Variants in CAMTA1 observed in about 807,000 individuals in gnomAD.
CAMTA1 encodes the protein calmodulin binding transcription activator 1.
In CAMTA1, 27 loss-of-function variants were observed where a neutral mutation model predicts 170.9. The ratio of observed to expected loss-of-function variants is 0.16; its 90% CI spans 0.12 to 0.22. The LOEUF (loss-of-function observed/expected upper bound fraction) is 0.22. Ranked by LOEUF, CAMTA1 falls within the 10% of genes least tolerant of loss-of-function variation. The pLI is 1.00. For missense variants in CAMTA1, 1,619 were observed against 2,217.2 expected (o/e 0.73, Z 5.42); for synonymous variants, 833 against 891.5 (o/e 0.93, Z 1.17).
At chr1:7,246,978 G>A (rs1369667457) in intron 4 of CAMTA1, among the ~76,000 whole-genome samples, 1 of 152,140 alleles carries the variant, frequency 6.6e-6, no homozygotes, top group African/African-American at 2.4e-5. Flanking sequence ...CGGCAGTACG[G>A]CCTCATTTTC....
At chr1:7,531,734 G>T (rs775024142) in intron 6 of CAMTA1, among the ~76,000 whole-genome samples, 1 of 152,200 alleles carries the variant, frequency 6.6e-6, no homozygotes, top group Non-Finnish European at 1.5e-5. Context: ...CTCCAGAAGC[G>T]CAGAGCTTCT....
At chr1:7,358,487 G>C (rs2085295135) in intron 5 of CAMTA1, among the ~76,000 whole-genome samples, 3 of 152,156 alleles carry the variant, frequency 2.0e-5, no homozygotes, top group Admixed American at 6.5e-5. Context: ...GGCGGGCAGT[G>C]GTGGGGCTGC....
intron 5 of CAMTA1, among the ~76,000 whole-genome samples, chr1:7,409,194 G>C (rs556970615): frequency 6.6e-6 from 1 of 152,222 alleles, no homozygotes; most frequent in African/African-American, 2.4e-5. Flanking sequence ...ATGCAGGCTG[G>C]ACTTCCGTCA....
chr1:7,730,725 G>A (rs1185345120), intron 11 of CAMTA1, among the ~76,000 whole-genome samples: 9 of 151,854 alleles, frequency 5.9e-5, no homozygotes, highest in Admixed American at 5.3e-4. Context: ...GTGAAACCCC[G>A]TCTCTACTAA....
Position 6,995,295 on chromosome 1 carries a change from CTTTTTTTTTTTT to C in CAMTA1, c.235-95996_235-95985del, listed in dbSNP as rs765139922. Among the ~76,000 whole-genome samples, 122 of 60,628 alleles carry C rather than the reference CTTTTTTTTTTTT, an allele frequency of 2.0e-3. No individual in the cohort carries two copies. The Middle Eastern group carries it at 0.083, about 41-fold the overall frequency. The allele number at this position is 60,628 out of a possible 152,430, so 39.8% of individuals were successfully genotyped here. On this transcript the variant is annotated intron_variant, in intron 3 of 22. Coordinates refer to ENST00000303635, the MANE Select transcript of CAMTA1 (RefSeq NM_015215.4). ...TCCTTTAAAATCTTTTTTTTCTTTT[CTTTTTTTTTTTT>C]TTTTTTTTTTTTGAGATGGAGTCTC...
intron 3 of CAMTA1, among the ~76,000 whole-genome samples, chr1:6,959,401 G>A (rs1451748320): frequency 6.6e-6 from 1 of 152,188 alleles, no homozygotes; most frequent in Non-Finnish European, 1.5e-5. Flanking sequence ...TTACCACTAA[G>A]CTGAGCTGGA....
intron 3 of CAMTA1, among the ~76,000 whole-genome samples, chr1:7,004,247 C>CT (rs1018900300): frequency 2.6e-5 from 4 of 152,032 alleles, no homozygotes; most frequent in African/African-American, 9.7e-5. Context: ...TTTTTCTTTT[C>CT]TTTTTTTTCC....
Position 6,902,073 on chromosome 1 carries a change from A to ACACACAC in CAMTA1, c.234+76863_234+76864insCACACAC, listed in dbSNP as rs772368106. ...CACACACACACACACACACACACACAAAAAAAAAAATAAAAATAAAAACTC... is the reference window on the plus strand; with the variant it reads ...CACACACACACACACACACACACACACACACACAAAAAAAAAATAAAAATAAAAACTC... On this transcript the variant is annotated intron_variant, in intron 3 of 22. Transcript: ENST00000303635. Among the ~76,000 whole-genome samples the ACACACAC allele has an allele frequency of 3.8e-3, 295 of 78,448 alleles. 1 individual carries two copies. The highest frequency in any genetic ancestry group is 0.014 in the South Asian group (27 of 1,916). The allele number at this position is 78,448 out of a possible 152,430, so 51.5% of individuals were successfully genotyped here.
intron 3 of CAMTA1, among the ~76,000 whole-genome samples, chr1:6,996,922 A>C (rs550373585): frequency 2.0e-5 from 3 of 152,342 alleles, no homozygotes; most frequent in Admixed American, 2.0e-4. Flanking sequence ...ATTTTGACAC[A>C]TAGTGATTTT....
chr1:7,191,672 T>C (rs1341827393), intron 4 of CAMTA1, among the ~76,000 whole-genome samples: 1 of 152,206 alleles, frequency 6.6e-6, no homozygotes, highest in Non-Finnish European at 1.5e-5. Context: ...TGTAATTTTC[T>C]CCACATCTGG....
At chr1:6,857,571 C>G (rs1002856977) in intron 3 of CAMTA1, among the ~76,000 whole-genome samples, 1 of 152,040 alleles carries the variant, frequency 6.6e-6, no homozygotes, top group Non-Finnish European at 1.5e-5. Flanking sequence ...AAGGTAGGGT[C>G]GGGCTGTAGG....
intron 7 of CAMTA1, among the ~76,000 whole-genome samples, chr1:7,651,265 G>C (rs928158767): frequency 6.6e-6 from 1 of 152,168 alleles, no homozygotes; most frequent in African/African-American, 2.4e-5. Context: ...GAGGAGGACA[G>C]GGCCCCCCAC....
intron 6 of CAMTA1, among the ~76,000 whole-genome samples, chr1:7,615,915 A>G (rs772824618): frequency 2.6e-4 from 40 of 152,228 alleles, no homozygotes; most frequent in Non-Finnish European, 3.8e-4. Context: ...TGCCATTCAC[A>G]TCCAGCACCT....
chr1:7,117,397 T>C (rs917043261), intron 4 of CAMTA1, among the ~76,000 whole-genome samples: 10 of 152,126 alleles, frequency 6.6e-5, no homozygotes, highest in African/African-American at 1.9e-4. Flanking sequence ...TAGAACTCAA[T>C]TGATGAAGCA....
chr1:7,600,873 T>C (rs1476803298), intron 6 of CAMTA1, among the ~76,000 whole-genome samples: 22 of 151,498 alleles, frequency 1.5e-4, no homozygotes, highest in Admixed American at 1.4e-3. Flanking sequence ...AAGTCTCCCA[T>C]GTCTACCTCT....
chr1:7,731,704 A>G (rs773858948), intron 11 of CAMTA1, among the ~76,000 whole-genome samples: 1 of 152,178 alleles, frequency 6.6e-6, no homozygotes, highest in Non-Finnish European at 1.5e-5. Flanking sequence ...CTCCATCTCT[A>G]CAAAACAAAA....
Position 7,738,252 on chromosome 1 carries a change from G to A in CAMTA1, c.3952G>A (p.Val1318Ile), listed in dbSNP as rs2150010126. 1.2e-6 allele frequency: 2 copies of A among 1,614,108 alleles called. No individual in the cohort carries two copies. Among genetic ancestry groups the A allele is most frequent in the African/African-American group, 1.3e-5 (1 of 75,048 alleles). ...ATTTCAAGCCTCTGGATCTCAGCCTGTAGGAAAGTGGAATTCCAAAGATCT... is the reference window on the plus strand; with the variant it reads ...ATTTCAAGCCTCTGGATCTCAGCCTATAGGAAAGTGGAATTCCAAAGATCT... ...AAFQASGSQP[V>I]GKWNSKDLYI... Residue 1318 changes from valine (V) to isoleucine (I), a missense_variant, in exon 16 of 23, where the codon GTA becomes ATA. By Grantham distance (29) the Val-to-Ile change is conservative. Around this residue, in one of 8 missense-constraint regions of CAMTA1, gnomAD observed 370 missense variants for 429.4 expected, o/e 0.86. Transcript: ENST00000303635. This position sits in a 1 kb window ranked among gnomAD's most constrained non-coding sequence, Gnocchi z 4.9.
chr1:7,022,588 G>A (rs189017656), intron 3 of CAMTA1, among the ~76,000 whole-genome samples: 213 of 152,374 alleles, frequency 1.4e-3, no homozygotes, highest in African/African-American at 5.0e-3. Flanking sequence ...AGGTAGTGTA[G>A]CCCACTTGCT....
intron 4 of CAMTA1, among the ~76,000 whole-genome samples, chr1:7,161,049 C>A (rs1251808038): frequency 6.6e-6 from 1 of 152,192 alleles, no homozygotes; most frequent in Admixed American, 6.5e-5. Context: ...TCTCCTTGCT[C>A]CCTCTCTTGC....
Sources: allele counts gnomAD v4.1 joint callset (sites outside exome capture counted in the v4.1 genomes callset), GRCh38; gene constraint gnomAD v4.1.1; regional missense constraint gnomAD v4.1.1; non-coding constraint Gnocchi (gnomAD v3.1); transcripts MANE v1.5; gene names NCBI Gene and HGNC (gene_info 2026-07-23, HGNC 2026-07-21).